Variants in CMIP observed in about 807,000 individuals in gnomAD.
CMIP encodes the protein c-Maf inducing protein, also known as C-Maf-inducing protein.
CMIP carries 13 observed loss-of-function variants against 97.3 expected under a neutral mutation model. The observed-to-expected ratio is 0.13, with a 90% CI of 0.09 to 0.21. CMIP has a LOEUF of 0.21. Ranked by LOEUF, CMIP falls within the 10% of genes least tolerant of loss-of-function variation. The pLI is 1.00. For synonymous variants in CMIP, 538 were observed against 436.3 expected (o/e 1.23, Z -2.91); for missense variants, 847 against 1,024.9 (o/e 0.83, Z 2.37).
At chr16:81,484,457 G>A (rs1285558702) in intron 1 of CMIP, among the ~76,000 whole-genome samples, 1 of 152,190 alleles carries the variant, frequency 6.6e-6, no homozygotes, top group Non-Finnish European at 1.5e-5. Context: ...GGGTGTTGCA[G>A]GTTGGGCTCC....
At chr16:81,698,052 C>G (rs920034288) in intron 14 of CMIP, 1 of 135,198 alleles carries the variant, frequency 7.4e-6, no homozygotes, top group African/African-American at 2.7e-5. Context: ...GCGCAGGGAG[C>G]TGGCGGCTTC....
At chr16:81,462,359 C>T (rs1481457505) in intron 1 of CMIP, among the ~76,000 whole-genome samples, 1 of 152,074 alleles carries the variant, frequency 6.6e-6, no homozygotes, top group African/African-American at 2.4e-5. Flanking sequence ...AACTTAGCAA[C>T]TATGTGTTTT....
At chr16:81,476,700 A>G (rs1907945582) in intron 1 of CMIP, among the ~76,000 whole-genome samples, 1 of 152,172 alleles carries the variant, frequency 6.6e-6, no homozygotes, top group African/African-American at 2.4e-5. Context: ...ATATTTATTT[A>G]TGCATTCTGT....
chr16:81,560,017 G>A (rs530133525), intron 1 of CMIP, among the ~76,000 whole-genome samples: 2 of 151,800 alleles, frequency 1.3e-5, no homozygotes, highest in South Asian at 4.2e-4. Flanking sequence ...GCATAGTGGT[G>A]TGCACCTGTA....
At chr16:81,495,496 TAC>T (rs2089473374) in intron 1 of CMIP, 3 of 1,612,850 alleles carry the variant, frequency 1.9e-6, no homozygotes, top group Non-Finnish European at 2.5e-6. Context: ...GCTGCTGAGG[TAC>T]AGTCCCATGT....
chr16:81,481,330 G>A (rs78397237), intron 1 of CMIP, among the ~76,000 whole-genome samples: 1 of 152,156 alleles, frequency 6.6e-6, no homozygotes, highest in Non-Finnish European at 1.5e-5. Flanking sequence ...CAGCCTCATG[G>A]CAGGTGTACA....
At chr16:81,511,092 T>A (rs549940716) in intron 1 of CMIP, among the ~76,000 whole-genome samples, 76 of 152,312 alleles carry the variant, frequency 5.0e-4, no homozygotes, top group Non-Finnish European at 8.8e-4. Context: ...ACTCATCATC[T>A]GCTTCAACAG....
intron 1 of CMIP, among the ~76,000 whole-genome samples, chr16:81,547,288 C>T (rs574722256): frequency 5.3e-5 from 8 of 152,240 alleles, no homozygotes; most frequent in African/African-American, 1.9e-4. Flanking sequence ...TTTATGTGGC[C>T]GAGGGCATGG....
At chr16:81,642,539 G>A (rs552170930) in intron 3 of CMIP, among the ~76,000 whole-genome samples, 13 of 152,202 alleles carry the variant, frequency 8.5e-5, no homozygotes, top group Non-Finnish European at 1.5e-4. Context: ...GTGCAGTTGA[G>A]GCACGGGGAC....
intron 2 of CMIP, among the ~76,000 whole-genome samples, chr16:81,612,483 C>T (rs1567610046): frequency 1.3e-5 from 2 of 152,144 alleles, no homozygotes; most frequent in Non-Finnish European, 2.9e-5. Flanking sequence ...CTTTTCCGGT[C>T]TGGAAAGCAC....
intron 10 of CMIP, among the ~76,000 whole-genome samples, chr16:81,680,786 C>A (rs999340009): frequency 2.0e-5 from 3 of 152,208 alleles, no homozygotes; most frequent in Non-Finnish European, 2.9e-5. Flanking sequence ...GAGGTAGAAG[C>A]CTCCAGGCCA....
At chr16:81,679,518 G>T (rs1036332119) in intron 10 of CMIP, among the ~76,000 whole-genome samples, 5 of 152,060 alleles carry the variant, frequency 3.3e-5, no homozygotes, top group Admixed American at 1.3e-4. Context: ...TGAGTGACGG[G>T]TCATGTGCAG....
intron 1 of CMIP, among the ~76,000 whole-genome samples, chr16:81,458,991 T>A (rs546385667): frequency 2.9e-4 from 44 of 152,058 alleles, no homozygotes; most frequent in African/African-American, 9.9e-4. Context: ...GCTGTCACCA[T>A]CACTGTCACC....
At chr16:81,545,325 C>T (rs2090525934) in intron 1 of CMIP, among the ~76,000 whole-genome samples, 1 of 152,192 alleles carries the variant, frequency 6.6e-6, no homozygotes, top group South Asian at 2.1e-4. Context: ...ATCACCAGCG[C>T]CTAGCATGGT....
intron 10 of CMIP, among the ~76,000 whole-genome samples, chr16:81,685,986 G>A (rs1905342318): frequency 6.6e-6 from 1 of 152,190 alleles, no homozygotes; most frequent in Non-Finnish European, 1.5e-5. Context: ...CACAGGTTCA[G>A]ATCCCAGCTC....
In CMIP at chr16:81,550,832, TCCCCAGTTCCATCACACACA is replaced by T. The variant is rs368024247; in HGVS notation, c.301-56684_301-56665del. Reference sequence around the variant, plus strand: ...AAAGTCCTAACCCCATTCTGTGCCCTCCCCAGTTCCATCACACACACCCCAGTTCCATCACACACACCCCA... The same window carrying T: ...AAAGTCCTAACCCCATTCTGTGCCCTCCCCAGTTCCATCACACACACCCCA... On this transcript the variant is annotated intron_variant, in intron 1 of 20. Coordinates refer to ENST00000537098, the MANE Select transcript of CMIP (RefSeq NM_198390.3). 6.1e-3 allele frequency among the ~76,000 whole-genome samples: 900 copies of T among 148,436 alleles called. 14 individuals are homozygous for T. The highest frequency in any genetic ancestry group is 0.017 in the African/African-American group (690 of 39,724).
At chr16:81,688,991 C>T (rs1264155735) in intron 10 of CMIP, among the ~76,000 whole-genome samples, 1 of 152,206 alleles carries the variant, frequency 6.6e-6, no homozygotes, top group Non-Finnish European at 1.5e-5. Flanking sequence ...ATGAACTCAT[C>T]CTTTTTTATG....
intron 3 of CMIP, among the ~76,000 whole-genome samples, chr16:81,623,079 A>G (rs933786684): frequency 2.0e-5 from 3 of 152,176 alleles, no homozygotes; most frequent in African/African-American, 7.2e-5. Context: ...TGGTGCGCCC[A>G]TGTGGTCCCA....
chr16:81,588,359 G>A (rs2091415629), intron 1 of CMIP, among the ~76,000 whole-genome samples: 1 of 152,152 alleles, frequency 6.6e-6, no homozygotes, highest in African/African-American at 2.4e-5. Context: ...AGAGATTTGG[G>A]GGAGACTTGT....
Sources: allele counts gnomAD v4.1 joint callset (sites outside exome capture counted in the v4.1 genomes callset), GRCh38; gene constraint gnomAD v4.1.1; transcripts MANE v1.5; gene names NCBI Gene and HGNC (gene_info 2026-07-23, HGNC 2026-07-21).